The following VAPB variants were observed in gnomAD, a reference collection of about 807,000 sequenced individuals.
VAPB encodes VAMP associated protein B and C.
Under a neutral mutation model 25.6 loss-of-function variants are expected in VAPB, and 7 were observed. The ratio of observed to expected loss-of-function variants is 0.27; its 90% CI spans 0.16 to 0.51. VAPB has a LOEUF of 0.51. VAPB is among the 20% of genes least tolerant of loss of function. VAPB has a pLI of 0.97. For synonymous variants in VAPB, 112 were observed against 109.2 expected (o/e 1.03, Z -0.16); for missense variants, 266 against 301.3 (o/e 0.88, Z 0.87).
intron 1 of VAPB, among the ~76,000 whole-genome samples, chr20:58,393,624 A>C (rs1181460609): frequency 2.0e-5 from 3 of 152,168 alleles, no homozygotes; most frequent in African/African-American, 7.2e-5. Flanking sequence ...AGGACTCTAG[A>C]TCATTCCTTA....
intron 4 of VAPB, chr20:58,440,245 T>G (rs1173752163): frequency 6.6e-6 from 1 of 152,576 alleles, no homozygotes; most frequent in African/African-American, 2.4e-5. Flanking sequence ...AAATGATGGG[T>G]AGAGCTAGAT....
At chr20:58,441,876 G>A (rs1165075850) in intron 5 of VAPB, among the ~76,000 whole-genome samples, 6 of 152,166 alleles carry the variant, frequency 3.9e-5, no homozygotes, top group East Asian at 1.9e-4. Flanking sequence ...AACTATTGAT[G>A]TGGTGATGAG....
chr20:58,426,016 C>T (rs970931024), intron 2 of VAPB, among the ~76,000 whole-genome samples: 10 of 152,168 alleles, frequency 6.6e-5, no homozygotes, highest in African/African-American at 2.4e-4. Flanking sequence ...CCTCAGCTTC[C>T]CCAGTAGCTG....
Position 58,450,634 on chromosome 20 carries a change from GT to G in VAPB, c.*6401del. On this transcript the variant is annotated 3_prime_UTR_variant, in exon 6 of 6. Coordinates refer to ENST00000475243, the MANE Select transcript of VAPB (RefSeq NM_004738.5). ...ATAAATGGTTTCAGTAACCCATGCT[GT>G]TCTCTCCCTATTCTACGTCTTTCTC... 4.4e-6 allele frequency: 2 copies of G among 454,018 alleles called. No individual in the cohort carries two copies. Among genetic ancestry groups the G allele is most frequent in the South Asian group, 3.1e-5 (2 of 64,472 alleles). The allele number at this position is 454,018 out of a possible 1,614,324, so 28.1% of individuals were successfully genotyped here.
At chr20:58,426,522 T>A (rs545618383) in intron 2 of VAPB, among the ~76,000 whole-genome samples, 1 of 152,132 alleles carries the variant, frequency 6.6e-6, no homozygotes, top group Non-Finnish European at 1.5e-5. Flanking sequence ...TGTAAGGACA[T>A]AGGGGCATGA....
chr20:58,418,488 C>T (rs1988599757), intron 2 of VAPB, 125 bp downstream of exon 2: 2 of 1,121,618 alleles, frequency 1.8e-6, no homozygotes, highest in Admixed American at 2.8e-5. Flanking sequence ...CCCACCCCCA[C>T]CCCACCCCAC....
intron 1 of VAPB, among the ~76,000 whole-genome samples, chr20:58,396,414 G>A (rs771382034): frequency 1.3e-5 from 2 of 152,208 alleles, no homozygotes; most frequent in Non-Finnish European, 2.9e-5. Context: ...GGCAATAAAT[G>A]TTTTAGGGGT....
chr20:58,437,471 C>T (rs1989073901), intron 3 of VAPB, among the ~76,000 whole-genome samples: 1 of 152,156 alleles, frequency 6.6e-6, no homozygotes, highest in African/African-American at 2.4e-5. Flanking sequence ...TGGTGACTGC[C>T]AGCTCTCTCC....
At chr20:58,441,643 A>G (rs113904870) in intron 5 of VAPB, among the ~76,000 whole-genome samples, 4 of 152,220 alleles carry the variant, frequency 2.6e-5, no homozygotes, top group South Asian at 2.1e-4. Context: ...CTTCGTCTCA[A>G]AAACAAAATA....
rs140356453 is a variant in VAPB at position 58,407,390 on chromosome 20, A to G, written c.59-10821A>G. ...AAGGCTGGTTTATCAGTTTTCAACA[A>G]CTTTACAAGTCTGAACAAGTAGAAA... On this transcript the variant is annotated intron_variant, in intron 1 of 5. Coordinates refer to ENST00000475243, the MANE Select transcript of VAPB (RefSeq NM_004738.5). Among the ~76,000 whole-genome samples the G allele has an allele frequency of 4.8e-3, 735 of 152,334 alleles. 8 individuals carry two copies. The highest frequency in any genetic ancestry group is 0.017 in the African/African-American group (694 of 41,580).
chr20:58,419,298 G>T (rs1292717696), intron 2 of VAPB, among the ~76,000 whole-genome samples: 2 of 152,152 alleles, frequency 1.3e-5, no homozygotes, highest in African/African-American at 2.4e-5. Flanking sequence ...AAGATATAAG[G>T]TGTTTCATTA....
chr20:58,391,382 ACTC>A (rs1987792721), intron 1 of VAPB, among the ~76,000 whole-genome samples: 1 of 149,478 alleles, frequency 6.7e-6, no homozygotes, highest in Non-Finnish European at 1.5e-5. Context: ...GAGGAGGTCA[ACTC>A]CTGAAAGAGG....
intron 1 of VAPB, among the ~76,000 whole-genome samples, chr20:58,406,648 T>G (rs1988236575): frequency 6.6e-6 from 1 of 152,238 alleles, no homozygotes; most frequent in Non-Finnish European, 1.5e-5. Flanking sequence ...GTATGGAGGC[T>G]TTTTCACATG....
intron 2 of VAPB, among the ~76,000 whole-genome samples, chr20:58,426,476 G>A (rs556666621): frequency 4.6e-5 from 7 of 152,298 alleles, no homozygotes; most frequent in South Asian, 2.1e-4. Flanking sequence ...GACATGATAA[G>A]GGAGACTTTG....
intron 1 of VAPB, among the ~76,000 whole-genome samples, chr20:58,406,139 C>A (rs1988225504): frequency 1.3e-5 from 2 of 152,026 alleles, no homozygotes; most frequent in South Asian, 4.1e-4. Flanking sequence ...AGTACACTTG[C>A]AACGAGAGAT....
Position 58,444,776 on chromosome 20 carries a change from T to C in VAPB, c.*541T>C, listed in dbSNP as rs529636456. On this transcript the variant is annotated 3_prime_UTR_variant, in exon 6 of 6. Transcript: ENST00000475243. ...AGTCAGAAGCCCAAAGGAATTGCAC[T>C]GTGGCAGCATCAGACGTACTCGTCA... 4.4e-6 allele frequency: 2 copies of C among 454,592 alleles called. No homozygotes were observed. The highest frequency in any genetic ancestry group is 4.0e-5 in the African/African-American group (2 of 50,144). The allele number at this position is 454,592 out of a possible 1,614,324, so 28.2% of individuals were successfully genotyped here.
intron 2 of VAPB, among the ~76,000 whole-genome samples, chr20:58,422,356 C>A (rs1317162342): frequency 6.6e-6 from 1 of 152,094 alleles, no homozygotes; most frequent in East Asian, 1.9e-4. Flanking sequence ...TTAATCTGGA[C>A]CTCAGCAAAA....
rs1395929351 is a variant in VAPB, at chr20:58,389,523, C to T, written c.58+6C>T. On this transcript the variant is annotated splice_donor_region_variant and intron_variant, in intron 1 of 5. Coordinates refer to ENST00000475243, the MANE Select transcript of VAPB (RefSeq NM_004738.5). ...GCACGAGCTCAAATTCCGAGGTAAG[C>T]CCCAGAGGCCGCCACCTTCCTGCCC... 3 of 1,580,274 alleles carry T rather than the reference C, an allele frequency of 1.9e-6. No homozygotes were observed. Among genetic ancestry groups the T allele is most frequent in the African/African-American group, 1.4e-5 (1 of 73,618 alleles).
intron 1 of VAPB, among the ~76,000 whole-genome samples, chr20:58,392,507 T>C (rs1987831787): frequency 6.6e-6 from 1 of 152,230 alleles, no homozygotes; most frequent in African/African-American, 2.4e-5. Context: ...GTGTTGTTTG[T>C]TTGTTTTAAA....
Sources: gnomAD v4.1 joint callset for allele counts (sites outside exome capture counted in the v4.1 genomes callset) on GRCh38, gnomAD v4.1.1 for gene constraint, MANE v1.5 for transcripts, NCBI Gene and HGNC (gene_info 2026-07-23, HGNC 2026-07-21) for gene names.